TTYH2: variants seen among roughly 807,000 people sequenced by gnomAD.
The protein encoded by TTYH2 is protein tweety homolog 2.
In TTYH2, 49 loss-of-function variants were observed where a neutral mutation model predicts 68.3. That is an observed-to-expected ratio of 0.72 (90% CI 0.57 to 0.91). The LOEUF (loss-of-function observed/expected upper bound fraction) is 0.91. Among genes scored for constraint, TTYH2 ranks in the 40% least tolerant of loss-of-function variants. The pLI is 0.00. For missense variants in TTYH2, 631 were observed against 700.4 expected (o/e 0.90, Z 1.12); for synonymous variants, 272 against 300.8 (o/e 0.90, Z 0.99).
Position 74,222,586 on chromosome 17 carries a change from T to C in TTYH2, c.231T>C (p.Asp77=). ...GTGCATGCCACTGCCGGCGGGACGA[T>C]GCGGTGCAGACCAAGCAGCACCACT... is the stretch of plus-strand genomic sequence containing the variant. ...LVCACHCRRD[D]AVQTKQHHSC... is the part of the protein sequence containing the mutation. Residue 77 remains aspartate, a synonymous_variant, in exon 2 of 14, where the codon GAT becomes GAC. Transcript: ENST00000269346. The surrounding 1 kb of genome is among the most constrained non-coding windows in gnomAD (Gnocchi z 5.2). The C allele has an allele frequency of 6.2e-7, 1 of 1,612,468 alleles. No individual in the cohort carries two copies. The highest frequency in any genetic ancestry group is 8.5e-7 in the Non-Finnish European group (1 of 1,179,996).
At chr17:74,229,821 A>G (rs1395867016) in intron 2 of TTYH2, among the ~76,000 whole-genome samples, 1 of 152,194 alleles carries the variant, frequency 6.6e-6, no homozygotes, top group Non-Finnish European at 1.5e-5. Context: ...GGCAAAACTA[A>G]GGAGAAAGTG....
rs150914527 is a variant in TTYH2 at position 74,253,798 on chromosome 17, G to A, written c.1489G>A (p.Val497Met). ...TGGTAGGAACCCACGCTACGAGAAC[G>A]TGCCACTAATCGGGAGAGCCTCCCC... is the stretch of plus-strand genomic sequence containing the variant. ...LFGRNPRYENVPLIGRASPPP... is the reference protein window; with the variant it reads ...LFGRNPRYENMPLIGRASPPP... Residue 497 changes from valine to methionine, a missense_variant, in exon 13 of 14, where the codon GTG becomes ATG. Transcript: ENST00000269346. 108 of 1,614,082 alleles carry A rather than the reference G, an allele frequency of 6.7e-5. No individual in the cohort carries two copies. In the African/African-American group the frequency reaches 8.3e-4, roughly 12 times the overall value.
chr17:74,218,263 C>A (rs1352028945), intron 1 of TTYH2, among the ~76,000 whole-genome samples: 3 of 152,120 alleles, frequency 2.0e-5, no homozygotes, highest in African/African-American at 7.2e-5. Context: ...TTCTTCTTCC[C>A]TTCCCAATTC....
Position 74,215,511 on chromosome 17 carries a change from T to G in TTYH2, c.129+1795T>G. 1.1e-6 allele frequency: 1 copy of G among 938,972 alleles called. No individual in the cohort carries two copies. Among genetic ancestry groups the G allele is most frequent in the Non-Finnish European group, 1.6e-6 (1 of 638,060 alleles). 58.2% of individuals were successfully genotyped at this position (938,972 alleles called of 1,614,324 possible). ...CCCAGGATTCTGGCCCCGGCTCACT[T>G]TGTGCTGGGCATCAAATGGTTCCAG... On this transcript the variant is annotated intron_variant, in intron 1 of 13. Coordinates refer to ENST00000269346, the MANE Select transcript of TTYH2 (RefSeq NM_032646.6). This position sits in a 1 kb window ranked among gnomAD's most constrained non-coding sequence, Gnocchi z 4.3.
At position 74,261,322 on chromosome 17, in the gene TTYH2, C is replaced by G. The variant is rs1446877116; in HGVS notation, c.*1113C>G. ...AAGCCAAGAGGGAAAGCCAGAGTTC[C>G]CTGTTCTAGGGGACTAGCCAAATGC... is the stretch of plus-strand genomic sequence containing the variant. On this transcript the variant is annotated 3_prime_UTR_variant, in exon 14 of 14. Coordinates refer to ENST00000269346, the MANE Select transcript of TTYH2 (RefSeq NM_032646.6). The G allele has an allele frequency of 3.3e-5, 5 of 152,196 alleles. No individual in the cohort carries two copies. The highest frequency in any genetic ancestry group is 5.9e-5 in the Non-Finnish European group (4 of 68,054). The allele number at this position is 152,196 out of a possible 1,614,324, so 9.4% of individuals were successfully genotyped here.
rs1265075519 is a variant in TTYH2 at position 74,232,845 on chromosome 17, G to A, written c.414+1846G>A. 6.6e-6 allele frequency among the ~76,000 whole-genome samples: 1 copy of A among 152,198 alleles called. No individual in the cohort carries two copies. The highest frequency in any genetic ancestry group is 2.4e-5 in the African/African-American group (1 of 41,446). On this transcript the variant is annotated intron_variant, in intron 3 of 13. Coordinates refer to ENST00000269346, the MANE Select transcript of TTYH2 (RefSeq NM_032646.6). The surrounding 1 kb of genome is among the most constrained non-coding windows in gnomAD (Gnocchi z 5.1). ...CCTAGAAGTCCCTATCCCACAGGAC[G>A]AGAGCTGCCAGGGAGGGGAGCTGGA... is the stretch of plus-strand genomic sequence containing the variant.
chr17:74,260,316 GCCT>G lies in TTYH2; in HGVS notation c.*111_*113del, dbSNP rs1431410275. On this transcript the variant is annotated 3_prime_UTR_variant, in exon 14 of 14. Coordinates refer to ENST00000269346, the MANE Select transcript of TTYH2 (RefSeq NM_032646.6). ...ACCAAAGGCATCTGGAGCCCGAGAG[GCCT>G]CCTGCTGTGGCAGAGGAGCAGCTGG... 60 of 1,179,424 alleles carry G rather than the reference GCCT, an allele frequency of 5.1e-5. No homozygotes were observed. In the Admixed American group the frequency reaches 1.1e-3, roughly 21 times the overall value. The allele number at this position is 1,179,424 out of a possible 1,614,324, so 73.1% of individuals were successfully genotyped here. A position where few individuals can be genotyped will look rare whatever the true frequency, so the allele number is the denominator to read the frequency against.
rs77144763 is a variant in TTYH2, at chr17:74,216,078, A to G, written c.129+2362A>G. ...CCTTCATCTGCAAGAATTAGATGAG[A>G]TATTCCACATATCATGCCTAGTACA... On this transcript the variant is annotated intron_variant, in intron 1 of 13. Coordinates refer to ENST00000269346, the MANE Select transcript of TTYH2 (RefSeq NM_032646.6). Among the ~76,000 whole-genome samples, 1,101 of 152,290 alleles carry G rather than the reference A, an allele frequency of 7.2e-3. 17 individuals carry two copies. Among genetic ancestry groups the G allele is most frequent in the African/African-American group, 0.025 (1,058 of 41,564 alleles).
At chr17:74,255,572 C>G (rs1469019463) in intron 13 of TTYH2, among the ~76,000 whole-genome samples, 1 of 152,188 alleles carries the variant, frequency 6.6e-6, no homozygotes, top group Non-Finnish European at 1.5e-5. Context: ...CTGCCTCAGC[C>G]TCCCTACTAG....
chr17:74,226,880 G>A (rs1213018167), intron 2 of TTYH2, among the ~76,000 whole-genome samples: 1 of 152,072 alleles, frequency 6.6e-6, no homozygotes, highest in East Asian at 1.9e-4. Context: ...GGCCCAGGTG[G>A]GATCAATGAC....
Position 74,244,043 on chromosome 17 carries a change from G to A in TTYH2, c.798G>A (p.Ala266=), listed in dbSNP as rs143670144. Residue 266 remains alanine, a synonymous_variant, in exon 6 of 14, where the codon GCG becomes GCA. Coordinates refer to ENST00000269346, the MANE Select transcript of TTYH2 (RefSeq NM_032646.6). ...CATCCCTGGCCGCTGATGGCTCTGC[G>A]GCAGTGGTGAGTTGGGGGAGGGAGT... The part of the protein sequence containing the change: ...SWASLAADGS[A]AVATSDFCVA... 1.7e-3 allele frequency: 2,721 copies of A among 1,611,288 alleles called. 7 individuals are homozygous for A. Among genetic ancestry groups the A allele is most frequent in the Non-Finnish European group, 2.1e-3 (2,455 of 1,179,822 alleles).
intron 1 of TTYH2, among the ~76,000 whole-genome samples, chr17:74,221,815 T>C (rs2050278197): frequency 6.6e-6 from 1 of 152,098 alleles, no homozygotes. Context: ...TGGAAGGGAC[T>C]CCAGAAGTTG....
chr17:74,215,532 T>G lies in TTYH2; in HGVS notation c.129+1816T>G. On this transcript the variant is annotated intron_variant, in intron 1 of 13. Transcript: ENST00000269346. The surrounding 1 kb of genome is among the most constrained non-coding windows in gnomAD (Gnocchi z 4.3). ...CACTTTGTGCTGGGCATCAAATGGT[T>G]CCAGAGGGTGTCCCTTCCCATCGGC... is the stretch of plus-strand genomic sequence containing the variant. 8.6e-7 allele frequency: 1 copy of G among 1,168,808 alleles called. No homozygotes were observed. The highest frequency in any genetic ancestry group is 1.2e-6 in the Non-Finnish European group (1 of 831,020). 72.4% of individuals were successfully genotyped at this position (1,168,808 alleles called of 1,614,324 possible).
chr17:74,233,934 C>A (rs116511232), intron 3 of TTYH2, among the ~76,000 whole-genome samples: 2 of 152,118 alleles, frequency 1.3e-5, no homozygotes, highest in Non-Finnish European at 2.9e-5. Context: ...GCATTGCTGA[C>A]CCGAGGTTGA....
intron 1 of TTYH2, among the ~76,000 whole-genome samples, chr17:74,216,292 A>G (rs1028141445): frequency 5.3e-5 from 8 of 152,066 alleles, no homozygotes; most frequent in African/African-American, 1.9e-4. Context: ...CATGCCCCAC[A>G]TGTTCAAATG....
chr17:74,243,401 C>T lies in TTYH2; in HGVS notation c.663C>T (p.Ile221=), dbSNP rs756764842. The change falls in exon 5 of 14, where the codon ATC becomes ATT. Residue 221 remains isoleucine (I), a synonymous_variant. Coordinates refer to ENST00000269346, the MANE Select transcript of TTYH2 (RefSeq NM_032646.6). ...GGCTCTCCTACCTCCTGCTCTTTAT[C>T]CTGGACCTGGTCATCTGCCTCATTG... ...YRWLSYLLLF[I]LDLVICLIAC... 6.2e-7 allele frequency: 1 copy of T among 1,614,216 alleles called. No homozygotes were observed. The highest frequency in any genetic ancestry group is 8.5e-7 in the Non-Finnish European group (1 of 1,180,024).
At chr17:74,229,856 T>A (rs2143734800) in intron 2 of TTYH2, among the ~76,000 whole-genome samples, 1 of 152,282 alleles carries the variant, frequency 6.6e-6, no homozygotes, top group Admixed American at 6.5e-5. Context: ...TAAGGCCAGG[T>A]GCAGTGGCTC....
chr17:74,247,030 A>G (rs1044592047), intron 6 of TTYH2, among the ~76,000 whole-genome samples: 38 of 152,022 alleles, frequency 2.5e-4, no homozygotes, highest in Admixed American at 1.4e-3. Flanking sequence ...TAAAAATACA[A>G]AATTAGCCAG....
intron 13 of TTYH2, among the ~76,000 whole-genome samples, chr17:74,258,477 G>C (rs929840888): frequency 6.6e-6 from 1 of 152,086 alleles, no homozygotes; most frequent in African/African-American, 2.4e-5. Flanking sequence ...ATGTTGGCCA[G>C]GCTGGTCTTG....
Sources: allele counts gnomAD v4.1 joint callset (sites outside exome capture counted in the v4.1 genomes callset), GRCh38; gene constraint gnomAD v4.1.1; non-coding constraint Gnocchi (gnomAD v3.1); transcripts MANE v1.5; gene names NCBI Gene and HGNC (gene_info 2026-07-23, HGNC 2026-07-21).